The following GPD1L variants were observed in gnomAD, a reference collection of about 807,000 sequenced individuals.
The protein encoded by GPD1L is glycerol-3-phosphate dehydrogenase 1 like.
Under a neutral mutation model 32.9 loss-of-function variants are expected in GPD1L, and 17 were observed. The ratio of observed to expected loss-of-function variants is 0.52; its 90% CI spans 0.35 to 0.78. GPD1L has a LOEUF of 0.78. Ranked by LOEUF, GPD1L falls within the 30% of genes least tolerant of loss-of-function variation. The pLI, the probability that GPD1L is intolerant of heterozygous loss-of-function variation, is 0.01. For synonymous variants in GPD1L, 187 were observed against 165.9 expected (o/e 1.13, Z -0.98); for missense variants, 361 against 447.8 (o/e 0.81, Z 1.75).
intron 1 of GPD1L, among the ~76,000 whole-genome samples, chr3:32,107,670 C>T (rs951208315): frequency 3.3e-5 from 5 of 152,132 alleles, no homozygotes; most frequent in African/African-American, 1.2e-4. Flanking sequence ...GCGTGACAGG[C>T]ATCAGAAGTG....
intron 4 of GPD1L, among the ~76,000 whole-genome samples, chr3:32,144,698 G>C (rs1223197650): frequency 6.6e-6 from 1 of 151,522 alleles, no homozygotes; most frequent in Non-Finnish European, 1.5e-5. Flanking sequence ...TGTTGTTGTT[G>C]TTTTTGAGAT....
intron 5 of GPD1L, among the ~76,000 whole-genome samples, chr3:32,148,501 C>T (rs1487796481): frequency 6.6e-6 from 1 of 152,148 alleles, no homozygotes; most frequent in Non-Finnish European, 1.5e-5. Flanking sequence ...GATCAGTTAC[C>T]ATCATTCCTG....
intron 5 of GPD1L, among the ~76,000 whole-genome samples, chr3:32,153,088 G>A (rs1431821951): frequency 3.9e-5 from 6 of 152,178 alleles, no homozygotes; most frequent in Non-Finnish European, 5.9e-5. Context: ...GCAGCAGCCC[G>A]TGGTACAGGC....
Position 32,139,334 on chromosome 3 carries a change from A to G in GPD1L, c.366+607A>G, listed in dbSNP as rs115495613. On this transcript the variant is annotated intron_variant, in intron 3 of 7. Coordinates refer to ENST00000282541, the MANE Select transcript of GPD1L (RefSeq NM_015141.4). ...ATTTCAGTTTACACCTTTTTCTGAT[A>G]TCTCAAGGTATCATTTATACTCATC... Among the ~76,000 whole-genome samples the G allele has an allele frequency of 5.9e-3, 895 of 152,286 alleles. 11 individuals are homozygous for G. The highest frequency in any genetic ancestry group is 0.02 in the African/African-American group (822 of 41,558).
intron 1 of GPD1L, among the ~76,000 whole-genome samples, chr3:32,109,216 T>C (rs1700212760): frequency 6.6e-6 from 1 of 152,236 alleles, no homozygotes; most frequent in Non-Finnish European, 1.5e-5. Context: ...CCATGCCACT[T>C]GAAAGGCACC....
At position 32,106,847 on chromosome 3, in the gene GPD1L, T is replaced by TG; in HGVS notation, c.47+92dup. ...GGGCTGCGCGCCCCATGCTGCGGCG[T>TG]GGGCACCGGGCACTGCGCGCAGGGA... is the stretch of plus-strand genomic sequence containing the variant. On this transcript the variant is annotated intron_variant, in intron 1 of 7. Transcript: ENST00000282541. The surrounding 1 kb of genome is among the most constrained non-coding windows in gnomAD (Gnocchi z 4.0). 1 of 1,282,948 alleles carries TG rather than the reference T, an allele frequency of 7.8e-7. No individual in the cohort carries two copies. Among genetic ancestry groups the TG allele is most frequent in the Non-Finnish European group, 1.0e-6 (1 of 962,008 alleles). The allele number at this position is 1,282,948 out of a possible 1,614,324, so 79.5% of individuals were successfully genotyped here.
At chr3:32,131,328 G>A (rs1575112620) in intron 2 of GPD1L, among the ~76,000 whole-genome samples, 1 of 152,134 alleles carries the variant, frequency 6.6e-6, no homozygotes, top group African/African-American at 2.4e-5. Context: ...TAGCTGTGCA[G>A]CCATCACTGC....
At chr3:32,129,290 G>T (rs115526990) in intron 2 of GPD1L, among the ~76,000 whole-genome samples, 1 of 152,156 alleles carries the variant, frequency 6.6e-6, no homozygotes, top group South Asian at 2.1e-4. Flanking sequence ...GCAAAGCACC[G>T]TGTTGGGTGC....
At chr3:32,146,839 G>T (rs1336424339) in intron 5 of GPD1L, 105 bp downstream of exon 5, 2 of 775,452 alleles carry the variant, frequency 2.6e-6, no homozygotes, top group East Asian at 4.9e-5. Flanking sequence ...CCACATCAGC[G>T]AAGAATAGTG....
In GPD1L at chr3:32,159,129, C is replaced by T. The variant is rs189819292; in HGVS notation, c.852+20C>T. On this transcript the variant is annotated intron_variant, in intron 6 of 7. Coordinates refer to ENST00000282541, the MANE Select transcript of GPD1L (RefSeq NM_015141.4). ...GGGAAGGTAGCCCCTCACCTGCTCT[C>T]CCGCACCCCCTCCTTCCTCACTTGA... 124 of 1,564,790 alleles carry T rather than the reference C, an allele frequency of 7.9e-5. 2 individuals carry two copies. The Admixed American group carries it at 2.1e-3, about 26-fold the overall frequency.
intron 5 of GPD1L, among the ~76,000 whole-genome samples, chr3:32,155,443 C>G (rs1246461423): frequency 6.6e-6 from 1 of 152,188 alleles, no homozygotes; most frequent in Non-Finnish European, 1.5e-5. Flanking sequence ...TCCATGTTCT[C>G]TCCCATTCAG....
At chr3:32,121,685 C>CTA (rs1173566829) in intron 1 of GPD1L, among the ~76,000 whole-genome samples, 6 of 125,460 alleles carry the variant, frequency 4.8e-5, no homozygotes, top group Non-Finnish European at 1.6e-5. Flanking sequence ...GTGTATATTT[C>CTA]TATATATATA....
intron 2 of GPD1L, among the ~76,000 whole-genome samples, chr3:32,128,832 G>T (rs1241557154): frequency 6.6e-6 from 1 of 152,204 alleles, no homozygotes; most frequent in Admixed American, 6.6e-5. Context: ...AGTAGCTCCT[G>T]CTGTACCCTA....
chr3:32,151,425 C>A, intron 5 of GPD1L: 1 of 609,702 alleles, frequency 1.6e-6, no homozygotes, highest in Non-Finnish European at 2.9e-6. Flanking sequence ...GTGACCATTC[C>A]CCTGATGTCT....
chr3:32,164,722 T>A (rs544964760), intron 7 of GPD1L, among the ~76,000 whole-genome samples: 1 of 152,284 alleles, frequency 6.6e-6, no homozygotes, highest in East Asian at 1.9e-4. Context: ...AAACATTCCG[T>A]ACCTTAAAAA....
chr3:32,147,692 C>T (rs369167844), intron 5 of GPD1L, among the ~76,000 whole-genome samples: 94 of 152,316 alleles, frequency 6.2e-4, no homozygotes, highest in African/African-American at 2.1e-3. Context: ...ATCTCTTTTG[C>T]AGCAAAAAGC....
chr3:32,160,881 A>G (rs1202786579), intron 7 of GPD1L, among the ~76,000 whole-genome samples: 1 of 151,206 alleles, frequency 6.6e-6, no homozygotes, highest in Non-Finnish European at 1.5e-5. Context: ...CATGATGCCA[A>G]CTACACCACT....
intron 2 of GPD1L, among the ~76,000 whole-genome samples, chr3:32,130,252 C>G (rs2125479987): frequency 6.6e-6 from 1 of 152,080 alleles, no homozygotes; most frequent in Admixed American, 6.6e-5. Context: ...CAGGAGAATT[C>G]ACTCCCAGAA....
At chr3:32,165,640 A>G (rs1701135934) in intron 7 of GPD1L, among the ~76,000 whole-genome samples, 174 bp from the exon 8 acceptor site, 1 of 152,216 alleles carries the variant, frequency 6.6e-6, no homozygotes, top group African/African-American at 2.4e-5. Context: ...AGGATCTGAC[A>G]GCCACATTCC....
Sources: gnomAD v4.1 joint callset for allele counts (sites outside exome capture counted in the v4.1 genomes callset) on GRCh38, gnomAD v4.1.1 for gene constraint, Gnocchi (gnomAD v3.1) non-coding constraint, MANE v1.5 for transcripts, NCBI Gene and HGNC (gene_info 2026-07-23, HGNC 2026-07-21) for gene names.